The following ARMC6 variants were observed in gnomAD, a reference collection of about 807,000 sequenced individuals.
The protein encoded by ARMC6 is armadillo repeat-containing protein 6.
ARMC6 carries 43 observed loss-of-function variants against 49.2 expected under a neutral mutation model. The ratio of observed to expected loss-of-function variants is 0.87; its 90% confidence interval spans 0.69 to 1.13. ARMC6 has a LOEUF of 1.13. ARMC6 is among the 50% of genes most tolerant of loss of function. The probability of loss-of-function intolerance (pLI) is 0.00; values close to 1 mark genes in which losing one functional copy is unlikely to be tolerated. For synonymous variants in ARMC6, 262 were observed against 289.6 expected, an observed-to-expected ratio of 0.90 and a Z score of 0.97; for missense variants, 627 against 682.0, an observed-to-expected ratio of 0.92 and a Z score of 0.90.
rs774941257 is a variant in ARMC6 at position 19,054,220 on chromosome 19, G to A, written c.922G>A (p.Glu308Lys). 8.7e-6 allele frequency: 14 copies of A among 1,611,730 alleles called. No individual in the cohort carries two copies. The highest frequency in any genetic ancestry group is 4.5e-5 in the East Asian group (2 of 44,558). The part of the protein sequence containing the change: ...GTLSRLAIRN[E>K]FCQEVVDLGG... ...CCTGTCCCGCCTGGCCATTCGCAAC[G>A]AGTTCTGCCAGGAGGTCGTCGACCT... Residue 308 changes from glutamate (E) to lysine (K), a missense_variant, in exon 6 of 9, where the codon GAG (glutamate) becomes AAG (lysine). By Grantham distance (56) the Glu-to-Lys change is moderately conservative. Coordinates refer to ENST00000535612, the MANE Select transcript of ARMC6 (RefSeq NM_001199196.2).
At chr19:19,043,228 A>G (rs1281372678) in intron 3 of ARMC6, among the ~76,000 whole-genome samples, 1 of 152,220 alleles carries the variant, frequency 6.6e-6, no homozygotes, top group Non-Finnish European at 1.5e-5. Flanking sequence ...GCCTGTGGAA[A>G]CAGGTGGCAT....
In ARMC6 at chr19:19,054,298, A is replaced by G. The variant is rs765258191; in HGVS notation, c.1000A>G (p.Met334Val). Residue 334 changes from methionine (M) to valine (V), a missense_variant, in exon 6 of 9, where the codon ATG becomes GTG. Physicochemically the swap from Met to Val is conservative, Grantham distance 21 (BLOSUM62 1). Transcript: ENST00000535612. ...GCTAGCCGACTGCAATGACCACCAG[A>G]TGAGGGACCAGAGCGGCGTTCAGGT... ...SLLADCNDHQ[M>V]RDQSGVQELV... 1 of 1,598,004 alleles carries G rather than the reference A, an allele frequency of 6.3e-7. No homozygotes were observed. The highest frequency in any genetic ancestry group is 1.7e-5 in the Admixed American group (1 of 57,682).
In ARMC6 at chr19:19,034,536, T is replaced by C. The variant is rs115334536; in HGVS notation, c.29+298T>C. Among the ~76,000 whole-genome samples the C allele has an allele frequency of 5.3e-3, 805 of 152,214 alleles. 11 individuals carry two copies. The highest frequency in any genetic ancestry group is 0.018 in the African/African-American group (763 of 41,518). On this transcript the variant is annotated intron_variant, in intron 2 of 8. Coordinates refer to ENST00000535612, the MANE Select transcript of ARMC6 (RefSeq NM_001199196.2). ...GTGTTTGAACCAGAGTGGGTGTGGC[T>C]GGTAGAGGGACATGTGGATGGAGTC...
intron 4 of ARMC6, among the ~76,000 whole-genome samples, chr19:19,049,325 A>T (rs1253683616): frequency 6.6e-6 from 1 of 152,078 alleles, no homozygotes; most frequent in Non-Finnish European, 1.5e-5. Flanking sequence ...AAGTGAAGAG[A>T]TTACAGGCAT....
Position 19,055,453 on chromosome 19 carries a change from G to A in ARMC6, c.1155+57G>A. The A allele has an allele frequency of 1.3e-6, 2 of 1,538,752 alleles. No homozygotes were observed. The highest frequency in any genetic ancestry group is 2.5e-5 in the South Asian group (2 of 80,044). ...GGGTGGTGGCTGGAGTCCCAGTTCA[G>A]TTTCTGTATCTGCATGAAGCTCTAT... On this transcript the variant is annotated intron_variant, in intron 7 of 8. Coordinates refer to ENST00000535612, the MANE Select transcript of ARMC6 (RefSeq NM_001199196.2). The surrounding 1 kb of genome is among the most constrained non-coding windows in gnomAD (Gnocchi z 5.7).
chr19:19,051,369 CTCTCTCTGTGTGTG>C (rs1228325078), intron 4 of ARMC6, among the ~76,000 whole-genome samples: 1 of 129,322 alleles, frequency 7.7e-6, no homozygotes, highest in African/African-American at 3.4e-5. Context: ...ATCTCTCTCT[CTCTCTCTGTGTGTG>C]TGTGTGTGTG....
rs1203310121 is a variant in ARMC6, at chr19:19,057,543, T to C, written c.1421T>C (p.Val474Ala). Residue 474 changes from valine (V) to alanine (A), a missense_variant, in exon 9 of 9, where the codon GTG becomes GCG. Physicochemically the swap from Val to Ala is moderately conservative, Grantham distance 64 (BLOSUM62 0). Coordinates refer to ENST00000535612, the MANE Select transcript of ARMC6 (RefSeq NM_001199196.2). ...TCTGCCCACCGTGACTGTGAGGACG[T>C]GGCCAAGGCCGCCCTGCGGGACCTG... ...ARSAHRDCED[V>A]AKAALRDLGC... 1 of 1,613,816 alleles carries C rather than the reference T, an allele frequency of 6.2e-7. No individual in the cohort carries two copies. The highest frequency in any genetic ancestry group is 1.7e-5 in the Admixed American group (1 of 60,014).
intron 4 of ARMC6, among the ~76,000 whole-genome samples, chr19:19,047,023 G>A (rs1382207032): frequency 1.4e-5 from 2 of 139,544 alleles, no homozygotes; most frequent in African/African-American, 2.7e-5. Context: ...GCAGGATCTC[G>A]GCTCATTGCA....
rs745479381 is a variant in ARMC6 at position 19,054,204 on chromosome 19, C to T, written c.906C>T (p.Arg302=). The part of the protein sequence containing the change: ...ILSELCGTLS[R]LAIRNEFCQE... ...GCGAGCTCTGTGGAACCCTGTCCCGCCTGGCCATTCGCAACGAGTTCTGCC... is the reference window on the plus strand; with the variant it reads ...GCGAGCTCTGTGGAACCCTGTCCCGTCTGGCCATTCGCAACGAGTTCTGCC... Residue 302 remains arginine, a synonymous_variant, in exon 6 of 9, where the codon CGC becomes CGT. Transcript: ENST00000535612. 40 of 1,611,582 alleles carry T rather than the reference C, an allele frequency of 2.5e-5. No individual in the cohort carries two copies. Among genetic ancestry groups the T allele is most frequent in the Non-Finnish European group, 3.4e-5 (40 of 1,178,980 alleles).
rs772150826 is a variant in ARMC6 at position 19,052,054 on chromosome 19, G to A, written c.712G>A (p.Val238Met). 23 of 1,613,846 alleles carry A rather than the reference G, an allele frequency of 1.4e-5. No homozygotes were observed. Among genetic ancestry groups the A allele is most frequent in the Middle Eastern group, 1.6e-4 (1 of 6,082 alleles). The change falls in exon 5 of 9, where the codon GTG (valine) becomes ATG (methionine). Residue 238 changes from valine (V) to methionine (M), a missense_variant. Coordinates refer to ENST00000535612, the MANE Select transcript of ARMC6 (RefSeq NM_001199196.2). ...AITHHGHHTD[V>M]VREACWALRV... ...CACCCATCATGGCCACCACACTGAC[G>A]TGGTCAGGGAAGCCTGCTGGGCCCT...
At chr19:19,044,794 A>G (rs908707620) in intron 4 of ARMC6, among the ~76,000 whole-genome samples, 2 of 152,170 alleles carry the variant, frequency 1.3e-5, no homozygotes, top group Non-Finnish European at 2.9e-5. Flanking sequence ...AAGAGAAGTC[A>G]TTGACATGGG....
At chr19:19,035,399 T>C (rs2059354054) in intron 2 of ARMC6, among the ~76,000 whole-genome samples, 1 of 152,250 alleles carries the variant, frequency 6.6e-6, no homozygotes, top group African/African-American at 2.4e-5. Context: ...ACCCTCAGCA[T>C]GCCCTGATGG....
intron 4 of ARMC6, among the ~76,000 whole-genome samples, chr19:19,047,289 T>C (rs2059459856): frequency 6.6e-6 from 1 of 152,170 alleles, no homozygotes; most frequent in African/African-American, 2.4e-5. Flanking sequence ...ACCAACCCCC[T>C]TCTCAAATGC....
In ARMC6 at chr19:19,051,754, C is replaced by G. The variant is rs913486383; in HGVS notation, c.412C>G (p.Pro138Ala). 1.2e-6 allele frequency: 2 copies of G among 1,613,950 alleles called. No individual in the cohort carries two copies. Among genetic ancestry groups the G allele is most frequent in the Admixed American group, 1.7e-5 (1 of 60,014 alleles). ...CCTCGCGGCCCAGAAGGGGGCCTACCCCATCATCTTCACTGCCTGGAAGCT... is the reference window on the plus strand; with the variant it reads ...CCTCGCGGCCCAGAAGGGGGCCTACGCCATCATCTTCACTGCCTGGAAGCT... ...RFLAAQKGAY[P>A]IIFTAWKLAT... Residue 138 changes from proline to alanine, a missense_variant, in exon 5 of 9, where the codon CCC (proline) becomes GCC (alanine). Pro to Ala is a conservative substitution (Grantham distance 27). Transcript: ENST00000535612.
chr19:19,052,776 C>T (rs2059510302), intron 5 of ARMC6, among the ~76,000 whole-genome samples: 1 of 152,106 alleles, frequency 6.6e-6, no homozygotes, highest in Non-Finnish European at 1.5e-5. Flanking sequence ...GATGAGTTCC[C>T]CTTTCTTGCC....
chr19:19,051,143 G>A (rs1290297754), intron 4 of ARMC6, among the ~76,000 whole-genome samples: 1 of 152,198 alleles, frequency 6.6e-6, no homozygotes, highest in Non-Finnish European at 1.5e-5. Flanking sequence ...TTGGAGAGCT[G>A]ACCATTGACA....
chr19:19,051,477 G>A (rs1244290702), intron 4 of ARMC6, 145 bp from the exon 5 acceptor site: 3 of 721,358 alleles, frequency 4.2e-6, no homozygotes. Flanking sequence ...TCTGGAAGTT[G>A]CCAGAGCTGT....
rs1245634498 is a variant in ARMC6 at position 19,055,770 on chromosome 19, T to C, written c.1156-21T>C. ...GGGTCTATCTGCTGCATCTCAGCCT[T>C]TCTGTGACTGGCCCCTGCAGGTGTG... On this transcript the variant is annotated intron_variant, in intron 7 of 8. Coordinates refer to ENST00000535612, the MANE Select transcript of ARMC6 (RefSeq NM_001199196.2). This position sits in a 1 kb window ranked among gnomAD's most constrained non-coding sequence, Gnocchi z 5.7. The C allele has an allele frequency of 6.5e-7, 1 of 1,542,390 alleles. No individual in the cohort carries two copies. Among genetic ancestry groups the C allele is most frequent in the South Asian group, 1.2e-5 (1 of 82,386 alleles).
chr19:19,039,236 A>G, intron 2 of ARMC6: 1 of 350,708 alleles, frequency 2.9e-6, no homozygotes, highest in East Asian at 9.5e-5. Flanking sequence ...CTGGGCTCAA[A>G]TGATCCTCCT....
Sources: gnomAD v4.1 joint callset for allele counts (sites outside exome capture counted in the v4.1 genomes callset) on GRCh38, gnomAD v4.1.1 for gene constraint, Gnocchi (gnomAD v3.1) non-coding constraint, MANE v1.5 for transcripts, NCBI Gene and HGNC (gene_info 2026-07-23, HGNC 2026-07-21) for gene names.